ABCA13: variants seen among roughly 807,000 people sequenced by gnomAD.
The protein encoded by ABCA13 is ATP binding cassette subfamily A member 13.
In ABCA13, 476 loss-of-function variants were observed where a neutral mutation model predicts 478.7. The observed-to-expected ratio is 0.99, with a 90% CI of 0.92 to 1.07. The LOEUF (loss-of-function observed/expected upper bound fraction) is 1.07, where lower values mean the gene tolerates loss of function less well. ABCA13 is among the 50% of genes least tolerant of loss of function. The probability of loss-of-function intolerance (pLI) is 0.00; values close to 1 mark genes in which losing one functional copy is unlikely to be tolerated. For synonymous variants in ABCA13, 2,252 were observed against 2,158.9 expected (o/e 1.04, Z -1.20); for missense variants, 6,060 against 5,910.6 (o/e 1.03, Z -0.83).
intron 37 of ABCA13, among the ~76,000 whole-genome samples, chr7:48,390,620 C>T (rs1051972823): frequency 6.6e-5 from 10 of 152,168 alleles, no homozygotes; most frequent in African/African-American, 1.9e-4. Flanking sequence ...CTCCTTTGAC[C>T]CTGGCCTTCA....
At chr7:48,644,293 A>G (rs1461657378) in intron 60 of ABCA13, among the ~76,000 whole-genome samples, 1 of 152,168 alleles carries the variant, frequency 6.6e-6, no homozygotes, top group Non-Finnish European at 1.5e-5. Flanking sequence ...GGGCCCTTCC[A>G]TCCGTCTCTG....
At chr7:48,294,175 A>C (rs533721347) in intron 20 of ABCA13, among the ~76,000 whole-genome samples, 1 of 152,304 alleles carries the variant, frequency 6.6e-6, no homozygotes, top group Admixed American at 6.5e-5. Context: ...TACTACAAAC[A>C]AATGAGCATA....
At position 48,376,484 on chromosome 7, in the gene ABCA13, C is replaced by T; in HGVS notation, c.11247C>T (p.Gly3749=). ...NNMYQALEQG[G]MTFGWVCWMI... ...TGTACCAGGCTCTGGAACAAGGGGG[C>T]ATGACATTTGGCTGGGTTTGCTGGA... Residue 3749 remains glycine (G), a synonymous_variant, in exon 35 of 62, where the codon GGC becomes GGT. Transcript: ENST00000435803. 1 of 1,613,864 alleles carries T rather than the reference C, an allele frequency of 6.2e-7. No individual in the cohort carries two copies. Among genetic ancestry groups the T allele is most frequent in the Non-Finnish European group, 8.5e-7 (1 of 1,179,830 alleles).
At chr7:48,492,209 C>T (rs1343138868) in intron 48 of ABCA13, among the ~76,000 whole-genome samples, 1 of 152,144 alleles carries the variant, frequency 6.6e-6, no homozygotes, top group Admixed American at 6.5e-5. Context: ...TCACTTTCCC[C>T]TCCGTGTAGC....
intron 58 of ABCA13, among the ~76,000 whole-genome samples, chr7:48,606,735 G>A (rs957817616): frequency 4.6e-5 from 7 of 152,192 alleles, no homozygotes; most frequent in African/African-American, 1.4e-4. Context: ...ATCGGAGCTC[G>A]AACACTGTGC....
chr7:48,427,077 A>G (rs538880002), intron 41 of ABCA13, among the ~76,000 whole-genome samples: 18 of 152,268 alleles, frequency 1.2e-4, no homozygotes, highest in South Asian at 1.0e-3. Flanking sequence ...CCATCACTCC[A>G]TAAATCCCTG....
chr7:48,635,234 A>T (rs897864315), intron 59 of ABCA13, among the ~76,000 whole-genome samples: 1 of 152,088 alleles, frequency 6.6e-6, no homozygotes, highest in African/African-American at 2.4e-5. Context: ...AAAAAAAAAA[A>T]AAAACCTAAA....
chr7:48,503,561 T>C (rs540062532), intron 48 of ABCA13, among the ~76,000 whole-genome samples: 2 of 152,350 alleles, frequency 1.3e-5, no homozygotes, highest in African/African-American at 2.4e-5. Flanking sequence ...GCCTGACTTA[T>C]TTCTCTTAAC....
At chr7:48,521,066 C>T (rs937296111) in intron 53 of ABCA13, among the ~76,000 whole-genome samples, 1 of 150,188 alleles carries the variant, frequency 6.7e-6, no homozygotes, top group Non-Finnish European at 1.5e-5. Flanking sequence ...CACATGCATG[C>T]ACACACATGC....
At chr7:48,178,401 A>G (rs941122059) in intron 1 of ABCA13, among the ~76,000 whole-genome samples, 1 of 152,098 alleles carries the variant, frequency 6.6e-6, no homozygotes, top group Non-Finnish European at 1.5e-5. Context: ...GTGGCCGGGC[A>G]TGGTGGCTCA....
At chr7:48,603,532 T>C (rs968937540) in intron 58 of ABCA13, among the ~76,000 whole-genome samples, 3 of 152,194 alleles carry the variant, frequency 2.0e-5, no homozygotes, top group Non-Finnish European at 4.4e-5. Context: ...GGATTATGTT[T>C]ATTGATTTGC....
intron 59 of ABCA13, among the ~76,000 whole-genome samples, chr7:48,631,449 GA>G (rs1245422347): frequency 6.6e-6 from 1 of 152,068 alleles, no homozygotes. Context: ...CTTTGCTAAA[GA>G]TTAGATAGTT....
At chr7:48,603,501 C>T (rs1349952715) in intron 58 of ABCA13, among the ~76,000 whole-genome samples, 2 of 152,040 alleles carry the variant, frequency 1.3e-5, no homozygotes, top group Non-Finnish European at 2.9e-5. Flanking sequence ...TGGTTTTCGT[C>T]GTTGATTCTG....
Position 48,272,552 on chromosome 7 carries a change from G to T in ABCA13, c.2886G>T (p.Leu962=). ...VFQDKDSALL[L]QIYSSFYRYI... is the part of the protein sequence containing the mutation. ...AGGACAAGGATTCAGCTTTACTTCT[G>T]CAAATTTATTCTTCATTTTACCGAT... The change falls in exon 17 of 62, where the codon CTG becomes CTT. Residue 962 remains leucine, a synonymous_variant. Transcript: ENST00000435803. 3 of 1,613,686 alleles carry T rather than the reference G, an allele frequency of 1.9e-6. No individual in the cohort carries two copies. Among genetic ancestry groups the T allele is most frequent in the Non-Finnish European group, 2.5e-6 (3 of 1,179,726 alleles).
chr7:48,435,028 C>A (rs1007599345), intron 42 of ABCA13, among the ~76,000 whole-genome samples: 2 of 151,728 alleles, frequency 1.3e-5, no homozygotes, highest in African/African-American at 4.8e-5. Flanking sequence ...ATTAATATTT[C>A]TTTTTCTCCA....
At chr7:48,367,754 T>G (rs1464182907) in intron 31 of ABCA13, 40 bp from the exon 32 acceptor site, 1 of 1,462,376 alleles carries the variant, frequency 6.8e-7, no homozygotes, top group Non-Finnish European at 9.4e-7. Context: ...TAGAGTCATT[T>G]TGCTTGTCTC....
chr7:48,437,289 A>G (rs55650796), intron 42 of ABCA13, among the ~76,000 whole-genome samples: 21,021 of 151,872 alleles, frequency 0.14, 1,902 homozygotes, highest in African/African-American at 0.24. Context: ...TGTCTTTTGC[A>G]TTTACTTTCT....
In ABCA13 at chr7:48,272,111, A is replaced by G. The variant is rs1795694759; in HGVS notation, c.2445A>G (p.Glu815=). ...QTLGSHWIRK[E]PKNLLRFIEL... ...TCGGAAGTCACTGGATAAGGAAGGA[A>G]CCAAAAAATCTTTTGAGATTCATAG... Residue 815 remains glutamate (E), a synonymous_variant, in exon 17 of 62, where the codon GAA becomes GAG. Transcript: ENST00000435803. 6.2e-7 allele frequency: 1 copy of G among 1,613,684 alleles called. No homozygotes were observed. Among genetic ancestry groups the G allele is most frequent in the Non-Finnish European group, 8.5e-7 (1 of 1,179,730 alleles).
In ABCA13 at chr7:48,239,415, CCT is replaced by C. The variant is rs1447138075; in HGVS notation, c.1062+17_1062+18del. 7 of 1,608,252 alleles carry C rather than the reference CCT, an allele frequency of 4.4e-6. No individual in the cohort carries two copies. The highest frequency in any genetic ancestry group is 1.1e-5 in the South Asian group (1 of 89,890). On this transcript the variant is annotated intron_variant, in intron 9 of 61. Coordinates refer to ENST00000435803, the MANE Select transcript of ABCA13 (RefSeq NM_152701.5). ...GCGAGTCTACCAACAGGTGCTGTCC[CCT>C]CTCTCTATGTTCTGTTCAAAGGTGT... is the stretch of plus-strand genomic sequence containing the variant.
Sources: gnomAD v4.1 joint callset for allele counts (sites outside exome capture counted in the v4.1 genomes callset) on GRCh38, gnomAD v4.1.1 for gene constraint, MANE v1.5 for transcripts, NCBI Gene and HGNC (gene_info 2026-07-23, HGNC 2026-07-21) for gene names.